OPA1: variants seen among roughly 807,000 people sequenced by gnomAD.
OPA1 encodes OPA1 mitochondrial dynamin like GTPase, also known as dynamin-like GTPase OPA1, mitochondrial.
In OPA1, 59 loss-of-function variants were observed where a neutral mutation model predicts 152.9. That is an observed-to-expected ratio of 0.39 (90% CI 0.31 to 0.48). The LOEUF (loss-of-function observed/expected upper bound fraction) is 0.48. Among genes scored for constraint, OPA1 ranks in the 20% least tolerant of loss-of-function variants. The pLI is 0.96. For synonymous variants in OPA1, 400 were observed against 389.9 expected, an observed-to-expected ratio of 1.03 and a Z score of -0.31; for missense variants, 1,008 against 1,216.8, an observed-to-expected ratio of 0.83 and a Z score of 2.55.
intron 29 of OPA1, among the ~76,000 whole-genome samples, chr3:193,670,928 G>C (rs906089219): frequency 3.9e-5 from 6 of 152,162 alleles, no homozygotes; most frequent in Non-Finnish European, 8.8e-5. Flanking sequence ...GTGCTTGAAA[G>C]ATGATGAGGA....
At chr3:193,637,054 T>C in intron 9 of OPA1, 141 bp from the exon 10 acceptor site, 1 of 508,908 alleles carries the variant, frequency 2.0e-6, no homozygotes, top group South Asian at 2.9e-5. Flanking sequence ...ACGATGAAGA[T>C]GTATTTATGT....
At chr3:193,618,634 A>G (rs1391700057) in intron 5 of OPA1, 5 of 496,542 alleles carry the variant, frequency 1.0e-5, no homozygotes, top group Admixed American at 3.6e-5. Context: ...TCAGTTATAT[A>G]TTTTTAATTG....
At chr3:193,613,431 T>C (rs1227318855) in intron 1 of OPA1, among the ~76,000 whole-genome samples, 2 of 152,238 alleles carry the variant, frequency 1.3e-5, no homozygotes, top group Non-Finnish European at 2.9e-5. Context: ...TATATAGTTA[T>C]GCTGTAGTGA....
In OPA1 at chr3:193,653,563, T is replaced by A. The variant is rs146338314; in HGVS notation, c.2013-1299T>A. Among the ~76,000 whole-genome samples the A allele has an allele frequency of 2.6e-5, 4 of 152,322 alleles. No individual in the cohort carries two copies. The East Asian group carries it at 5.8e-4, about 22-fold the overall frequency. On this transcript the variant is annotated intron_variant, in intron 21 of 30. Transcript: ENST00000361510. ...TCAAATTGAAATAGTTGTATTTTTT[T>A]ATTAGTGACCCATGTTCTTTTAAGA... is the stretch of plus-strand genomic sequence containing the variant.
At position 193,667,165 on chromosome 3, in the gene OPA1, A is replaced by C; in HGVS notation, c.2873-5A>C. ...TCCTCAGGTTTTTTAACTTTCTTTA[A>C]ACAGTTAGGCGATTAGAGAAAAATG... On this transcript the variant is annotated splice_polypyrimidine_tract_variant and splice_region_variant and intron_variant, in intron 28 of 30. Transcript: ENST00000361510. The C allele has an allele frequency of 7.0e-7, 1 of 1,433,602 alleles. No individual in the cohort carries two copies. The highest frequency in any genetic ancestry group is 2.3e-5 in the East Asian group (1 of 44,012). The allele number at this position is 1,433,602 out of a possible 1,614,324, so 88.8% of individuals were successfully genotyped here.
intron 7 of OPA1, among the ~76,000 whole-genome samples, chr3:193,629,356 A>T (rs1248028855): frequency 2.0e-5 from 3 of 152,218 alleles, no homozygotes; most frequent in African/African-American, 2.4e-5. Flanking sequence ...TCAAATTTAT[A>T]AACATCTTAA....
At position 193,654,886 on chromosome 3, in the gene OPA1, G is replaced by A; in HGVS notation, c.2037G>A (p.Leu679=). The change falls in exon 22 of 31, where the codon TTG becomes TTA. Residue 679 remains leucine (L), a synonymous_variant. Coordinates refer to ENST00000361510, the MANE Select transcript of OPA1 (RefSeq NM_130837.3). ...KHWEEILQQS[L]WERVSTHVIE... is the part of the protein sequence containing the mutation. The stretch of plus-strand genomic sequence containing the variant: ...GGGAGGAAATCCTTCAACAATCTTT[G>A]TGGGAAAGAGTATCAACTCATGTGA... The A allele has an allele frequency of 6.2e-7, 1 of 1,613,788 alleles. No homozygotes were observed. Among genetic ancestry groups the A allele is most frequent in the Non-Finnish European group, 8.5e-7 (1 of 1,179,888 alleles).
chr3:193,593,470 T>C (rs1577096316), intron 1 of OPA1, 61 bp downstream of exon 1: 2 of 1,429,960 alleles, frequency 1.4e-6, no homozygotes, highest in Non-Finnish European at 1.9e-6. Flanking sequence ...TGGGGCTGTC[T>C]TATCTCTATC....
rs997536842 is a variant in OPA1, at chr3:193,696,456, A to G, written c.*1856A>G. 6.6e-6 allele frequency: 1 copy of G among 152,232 alleles called. No individual in the cohort carries two copies. The highest frequency in any genetic ancestry group is 2.4e-5 in the African/African-American group (1 of 41,458). 9.4% of individuals were successfully genotyped at this position (152,232 alleles called of 1,614,324 possible). A position where few individuals can be genotyped will look rare whatever the true frequency, so the allele number is the denominator to read the frequency against. On this transcript the variant is annotated 3_prime_UTR_variant, in exon 31 of 31. Coordinates refer to ENST00000361510, the MANE Select transcript of OPA1 (RefSeq NM_130837.3). ...CAATTAATATTACTAAAAGTCCCAC[A>G]TGAGAGTCCTGACGCCCTCTCCATG...
At chr3:193,637,503 T>C (rs1441006414) in intron 10 of OPA1, among the ~76,000 whole-genome samples, 1 of 151,960 alleles carries the variant, frequency 6.6e-6, no homozygotes, top group Admixed American at 6.6e-5. Context: ...TACATTATAT[T>C]TATGAGTTAC....
intron 21 of OPA1, 79 bp downstream of exon 21, chr3:193,648,950 A>G (rs1285359650): frequency 2.7e-5 from 28 of 1,042,482 alleles, no homozygotes; most frequent in Non-Finnish European, 3.9e-5. Context: ...TTAGATTGAT[A>G]AAGCAGTGAT....
At position 193,638,131 on chromosome 3, in the gene OPA1, T is replaced by G. The variant is rs1207920354; in HGVS notation, c.1149+66T>G. 2.7e-6 allele frequency: 3 copies of G among 1,120,278 alleles called. No homozygotes were observed. In the African/African-American group the frequency reaches 4.6e-5, roughly 17 times the overall value. The allele number at this position is 1,120,278 out of a possible 1,614,324, so 69.4% of individuals were successfully genotyped here. ...TAACTGCTTCAGTGAGACCTGTTCA[T>G]TGTGTTGAAATGAGGACTTTTAACC... On this transcript the variant is annotated intron_variant, in intron 11 of 30. Coordinates refer to ENST00000361510, the MANE Select transcript of OPA1 (RefSeq NM_130837.3).
At chr3:193,633,941 A>T (rs1037772509) in intron 8 of OPA1, among the ~76,000 whole-genome samples, 1 of 152,210 alleles carries the variant, frequency 6.6e-6, no homozygotes, top group African/African-American at 2.4e-5. Flanking sequence ...GAGTCTAGCC[A>T]GTAGTTCTGC....
Position 193,662,905 on chromosome 3 carries a change from A to G in OPA1, c.2604A>G (p.Glu868=). Residue 868 remains glutamate, a synonymous_variant, in exon 26 of 31, where the codon GAA becomes GAG. Coordinates refer to ENST00000361510, the MANE Select transcript of OPA1 (RefSeq NM_130837.3). The part of the protein sequence containing the change: ...EEHPAYLASD[E]ITTVRKNLES... ...ACCCAGCTTATCTTGCAAGTGATGA[A>G]ATAACCACAGTCCGGAAGAACCTTG... is the stretch of plus-strand genomic sequence containing the variant. The G allele has an allele frequency of 6.2e-7, 1 of 1,613,706 alleles. No individual in the cohort carries two copies.
At chr3:193,680,795 G>A (rs905429706) in intron 29 of OPA1, among the ~76,000 whole-genome samples, 1 of 151,908 alleles carries the variant, frequency 6.6e-6, no homozygotes, top group African/African-American at 2.4e-5. Context: ...ATGTATTATC[G>A]ATATTTAGAT....
chr3:193,676,090 C>G (rs765281785), intron 29 of OPA1, among the ~76,000 whole-genome samples: 1 of 152,158 alleles, frequency 6.6e-6, no homozygotes, highest in Non-Finnish European at 1.5e-5. Flanking sequence ...CCAATGATTT[C>G]CTAATGCCAG....
intron 29 of OPA1, among the ~76,000 whole-genome samples, chr3:193,687,288 CAAG>C (rs1721054958): frequency 6.6e-6 from 1 of 152,132 alleles, no homozygotes; most frequent in East Asian, 1.9e-4. Context: ...ATGACTCAAT[CAAG>C]AAGCACAGTG....
At chr3:193,605,936 C>T (rs1727191111) in intron 1 of OPA1, among the ~76,000 whole-genome samples, 1 of 152,088 alleles carries the variant, frequency 6.6e-6, no homozygotes, top group Non-Finnish European at 1.5e-5. Flanking sequence ...CCCTGGTATC[C>T]ATAAGGACTA....
intron 8 of OPA1, among the ~76,000 whole-genome samples, chr3:193,634,837 T>C (rs1159509412): frequency 6.6e-6 from 1 of 152,218 alleles, no homozygotes; most frequent in Non-Finnish European, 1.5e-5. Context: ...TTGGTCAGGC[T>C]CTCAGATATT....
Sources: gnomAD v4.1 joint callset for allele counts (sites outside exome capture counted in the v4.1 genomes callset) on GRCh38, gnomAD v4.1.1 for gene constraint, MANE v1.5 for transcripts, NCBI Gene and HGNC (gene_info 2026-07-23, HGNC 2026-07-21) for gene names.